The following TARS2 variants were observed in gnomAD, a reference collection of about 807,000 sequenced individuals.
TARS2 encodes the protein threonyl-tRNA synthetase 2, mitochondrial.
Under a neutral mutation model 94.4 loss-of-function variants are expected in TARS2, and 61 were observed. The observed-to-expected ratio is 0.65, with a 90% CI of 0.53 to 0.80. The LOEUF (loss-of-function observed/expected upper bound fraction) is 0.80. Ranked by LOEUF, TARS2 falls within the 30% of genes least tolerant of loss-of-function variation. TARS2 has a pLI of 0.00. For synonymous variants in TARS2, 359 were observed against 353.4 expected, an observed-to-expected ratio of 1.02 and a Z score of -0.18; for missense variants, 704 against 902.5, an observed-to-expected ratio of 0.78 and a Z score of 2.82.
chr1:150,488,671 ATCT>A, intron 2 of TARS2: 1 of 266,748 alleles, frequency 3.7e-6, no homozygotes, highest in East Asian at 8.1e-5. Context: ...ACTATTTCAA[ATCT>A]TCTAGCTATT....
intron 11 of TARS2, 24 bp from the exon 12 acceptor site, chr1:150,498,873 C>G: frequency 1.2e-6 from 2 of 1,614,090 alleles, no homozygotes; most frequent in Non-Finnish European, 1.7e-6. Flanking sequence ...TCACAGCTCA[C>G]TGACCCTTAT....
intron 7 of TARS2, among the ~76,000 whole-genome samples, chr1:150,493,290 C>T (rs1471549780): frequency 6.6e-6 from 1 of 151,948 alleles, no homozygotes; most frequent in East Asian, 1.9e-4. Context: ...ATTCAGATGC[C>T]CTAATATGAT....
Position 150,505,718 on chromosome 1 carries a change from T to A in TARS2, c.2008+13T>A, listed in dbSNP as rs372802992. On this transcript the variant is annotated intron_variant, in intron 17 of 17. Coordinates refer to ENST00000369064, the MANE Select transcript of TARS2 (RefSeq NM_025150.5). The stretch of plus-strand genomic sequence containing the variant: ...AATTTTCAGTTTGGTAAGCTGAACC[T>A]CAGAGCCAATGTTCTCCCACCTGCC... The A allele has an allele frequency of 1.6e-5, 25 of 1,608,616 alleles. No homozygotes were observed. The highest frequency in any genetic ancestry group is 2.0e-5 in the Non-Finnish European group (24 of 1,176,560).
intron 3 of TARS2, among the ~76,000 whole-genome samples, chr1:150,490,114 CTTTTTTTTTTTT>C (rs772454527): frequency 1.2e-5 from 1 of 80,178 alleles, no homozygotes; most frequent in Non-Finnish European, 2.3e-5. Context: ...TCTATTCAGT[CTTTTTTTTTTTT>C]TTTTTTTTTT....
In TARS2 at chr1:150,488,062, G is replaced by T. The variant is rs146092962; in HGVS notation, c.263+8G>T. The T allele has an allele frequency of 9.1e-4, 1,468 of 1,613,216 alleles. 9 individuals carry two copies. In the African/African-American group the frequency reaches 0.017, roughly 18 times the overall value. On this transcript the variant is annotated splice_region_variant and intron_variant, in intron 2 of 17. Transcript: ENST00000369064. ...ACTAGCCCGGCAGATCAGGTAACAG[G>T]CCCATCCTGTAACTACCAGGATTAT...
intron 14 of TARS2, 80 bp downstream of exon 14, chr1:150,504,515 C>T (rs911658081): frequency 1.3e-6 from 2 of 1,568,406 alleles, no homozygotes; most frequent in African/African-American, 2.7e-5. Flanking sequence ...AAAAACTAAA[C>T]CCTCCACACC....
chr1:150,494,855 G>A (rs891645988), intron 7 of TARS2, among the ~76,000 whole-genome samples: 9 of 152,078 alleles, frequency 5.9e-5, no homozygotes, highest in African/African-American at 1.4e-4. Flanking sequence ...GGCTAACACC[G>A]TGAAACCCCG....
rs587771772 is a variant in TARS2, at chr1:150,489,246, T to C, written c.387+159T>C. On this transcript the variant is annotated intron_variant, in intron 3 of 17. Transcript: ENST00000369064. ...TGACTATTTCTGGTTAGGAAACTTA[T>C]GGTGAAAGTTTTTAACTTAGCTTCG... 1.0e-5 allele frequency: 11 copies of C among 1,088,638 alleles called. No homozygotes were observed. In the East Asian group the frequency reaches 2.1e-4, roughly 20 times the overall value. The allele number at this position is 1,088,638 out of a possible 1,614,324, so 67.4% of individuals were successfully genotyped here.
intron 3 of TARS2, chr1:150,489,422 T>C (rs1245533302): frequency 2.9e-6 from 1 of 345,524 alleles, no homozygotes; most frequent in Non-Finnish European, 5.6e-6. Flanking sequence ...ACATGGCTTA[T>C]ACAGCTGAGC....
intron 7 of TARS2, among the ~76,000 whole-genome samples, chr1:150,493,312 G>T (rs1182141625): frequency 6.6e-6 from 1 of 152,158 alleles, no homozygotes; most frequent in Admixed American, 6.6e-5. Context: ...TCAGTATTAA[G>T]GGGGGTGGAG....
intron 3 of TARS2, 137 bp downstream of exon 3, chr1:150,489,224 CTA>C: frequency 7.6e-7 from 1 of 1,318,200 alleles, no homozygotes; most frequent in Non-Finnish European, 1.1e-6. Flanking sequence ...ACTGTCTTGA[CTA>C]TTTCTGGTTA....
Position 150,504,453 on chromosome 1 carries a change from A to G in TARS2, c.1718+18A>G. ...TATAAGGGGTATAAAACCTTGCCCT[A>G]TCCTCTTTTCCCTTGACAGTGCATG... On this transcript the variant is annotated intron_variant, in intron 14 of 17. Transcript: ENST00000369064. The G allele has an allele frequency of 1.2e-6, 2 of 1,612,968 alleles. No individual in the cohort carries two copies. Among genetic ancestry groups the G allele is most frequent in the Non-Finnish European group, 1.7e-6 (2 of 1,179,018 alleles).
At position 150,487,522 on chromosome 1, in the gene TARS2, T is replaced by A. The variant is rs185148560; in HGVS notation, c.66+6T>A. The stretch of plus-strand genomic sequence containing the variant: ...AGGCTTGCAGGCTACACACGGTGCG[T>A]GAGGCACCCCCAAAGCTCCGATCCG... On this transcript the variant is annotated splice_donor_region_variant and intron_variant, in intron 1 of 17. Transcript: ENST00000369064. 4.6e-5 allele frequency: 75 copies of A among 1,614,208 alleles called. No homozygotes were observed.
At chr1:150,490,949 G>C (rs986123709) in intron 4 of TARS2, among the ~76,000 whole-genome samples, 5 of 151,938 alleles carry the variant, frequency 3.3e-5, no homozygotes, top group African/African-American at 1.2e-4. Flanking sequence ...CAGCTACTTG[G>C]GAGGCTGAGG....
In TARS2 at chr1:150,504,719, C is replaced by G; in HGVS notation, c.1806C>G (p.Ser602Arg). The change falls in exon 15 of 18, where the codon AGC (serine) becomes AGG (arginine). Residue 602 changes from serine to arginine, a missense_variant. Ser to Arg is a moderately radical substitution (Grantham distance 110). Coordinates refer to ENST00000369064, the MANE Select transcript of TARS2 (RefSeq NM_025150.5). ...GACTGTTGGGAGTGCTGGCAGAAAG[C>G]TGCGGGGGGAAATGGTGAGACCTCT... ...VERLLGVLAESCGGKWPLWLS... is the reference protein window; with the variant it reads ...VERLLGVLAERCGGKWPLWLS... 1 of 1,614,150 alleles carries G rather than the reference C, an allele frequency of 6.2e-7. No individual in the cohort carries two copies. Among genetic ancestry groups the G allele is most frequent in the Non-Finnish European group, 8.5e-7 (1 of 1,180,028 alleles).
rs1237137295 is a variant in TARS2 at position 150,503,542 on chromosome 1, C to CAT, written c.1618-790_1618-789dup. Among the ~76,000 whole-genome samples the CAT allele has an allele frequency of 8.1e-3, 691 of 85,782 alleles. 10 individuals are homozygous for CAT. The highest frequency in any genetic ancestry group is 0.016 in the African/African-American group (385 of 24,726). The allele number at this position is 85,782 out of a possible 152,430, so 56.3% of individuals were successfully genotyped here. ...ATCCCTACTGAAAAAAAAAAATACA[C>CAT]ATATGTGTGTGTGTGTGTGTGTGTG... On this transcript the variant is annotated intron_variant, in intron 13 of 17. Coordinates refer to ENST00000369064, the MANE Select transcript of TARS2 (RefSeq NM_025150.5).
chr1:150,506,479 C>T (rs1286595074), intron 17 of TARS2, among the ~76,000 whole-genome samples: 18 of 39,060 alleles, frequency 4.6e-4, no homozygotes, highest in Non-Finnish European at 9.3e-4. Context: ...CCTTCAGACA[C>T]GCGCGCGCAC....
chr1:150,498,865 A>G (rs1217162443), intron 11 of TARS2, 32 bp from the exon 12 acceptor site: 1 of 1,613,728 alleles, frequency 6.2e-7, no homozygotes, highest in Non-Finnish European at 8.5e-7. Context: ...TAGCGGGCTC[A>G]CAGCTCACTG....
In TARS2 at chr1:150,504,432, A is replaced by T; in HGVS notation, c.1715A>T (p.Lys572Met). The T allele has an allele frequency of 6.2e-7, 1 of 1,613,990 alleles. No homozygotes were observed. Among genetic ancestry groups the T allele is most frequent in the South Asian group, 1.1e-5 (1 of 91,056 alleles). Reference protein sequence around the residue: ...QLPLRFDLQYKGQAGALERPV... With the variant: ...QLPLRFDLQYMGQAGALERPV... ...CCCCTGAGATTTGACCTCCAGTATA[A>T]GGGGTATAAAACCTTGCCCTATCCT... The change falls in exon 14 of 18, where the codon AAG (lysine) becomes ATG (methionine). Residue 572 changes from lysine (K) to methionine (M), a missense_variant. Physicochemically the swap from Lys to Met is moderately conservative, Grantham distance 95. This residue lies in a region of TARS2 where 466 missense variants were observed against 609.5 expected (regional missense o/e 0.76). Coordinates refer to ENST00000369064, the MANE Select transcript of TARS2 (RefSeq NM_025150.5).
Sources: allele counts gnomAD v4.1 joint callset (sites outside exome capture counted in the v4.1 genomes callset), GRCh38; gene constraint gnomAD v4.1.1; regional missense constraint gnomAD v4.1.1; transcripts MANE v1.5; gene names NCBI Gene and HGNC (gene_info 2026-07-23, HGNC 2026-07-21).